The following ZCCHC7 variants were observed in gnomAD, a reference collection of about 807,000 sequenced individuals.
ZCCHC7 encodes the protein zinc finger CCHC domain-containing protein 7.
A neutral mutation model predicts 52.0 loss-of-function variants in ZCCHC7; 35 were observed. The observed-to-expected ratio is 0.67, with a 90% confidence interval of 0.51 to 0.89. The LOEUF (loss-of-function observed/expected upper bound fraction) is 0.89. Among genes scored for constraint, ZCCHC7 ranks in the 40% least tolerant of loss-of-function variants. The pLI is 0.00. For missense variants in ZCCHC7, 574 were observed against 649.1 expected, an observed-to-expected ratio of 0.88 and a Z score of 1.26; for synonymous variants, 217 against 221.5, an observed-to-expected ratio of 0.98 and a Z score of 0.18.
intron 2 of ZCCHC7, among the ~76,000 whole-genome samples, chr9:37,235,577 C>T (rs1284622247): frequency 1.6e-5 from 2 of 121,424 alleles, no homozygotes; most frequent in African/African-American, 6.1e-5. Flanking sequence ...CCTTCCCTTC[C>T]CTTCCCTTCC....
intron 2 of ZCCHC7, among the ~76,000 whole-genome samples, chr9:37,288,758 G>T (rs958793685): frequency 6.6e-6 from 1 of 151,994 alleles, no homozygotes. Flanking sequence ...GTGTTTAGTT[G>T]GTTACGGGGC....
chr9:37,286,147 A>G (rs1264132888), intron 2 of ZCCHC7, among the ~76,000 whole-genome samples: 1 of 152,236 alleles, frequency 6.6e-6, no homozygotes, highest in African/African-American at 2.4e-5. Context: ...AGAAAGTCAG[A>G]ACACTATTAA....
chr9:37,149,932 T>C (rs1157776558), intron 2 of ZCCHC7, among the ~76,000 whole-genome samples: 1 of 152,192 alleles, frequency 6.6e-6, no homozygotes, highest in Non-Finnish European at 1.5e-5. Context: ...CTGAAAGAAA[T>C]CCCAAAGATA....
chr9:37,302,259 G>T, intron 3 of ZCCHC7, 28 bp downstream of exon 3: 1 of 1,556,918 alleles, frequency 6.4e-7, no homozygotes, highest in South Asian at 1.1e-5. Context: ...TTAAAATTCA[G>T]AATAATAATT....
intron 2 of ZCCHC7, among the ~76,000 whole-genome samples, chr9:37,196,859 C>A (rs756343570): frequency 8.8e-4 from 134 of 152,020 alleles, no homozygotes; most frequent in Non-Finnish European, 1.4e-3. Flanking sequence ...GTAGCCTTCT[C>A]AGTAGAAATT....
At chr9:37,129,976 C>T (rs555864158) in intron 2 of ZCCHC7, among the ~76,000 whole-genome samples, 2 of 152,252 alleles carry the variant, frequency 1.3e-5, no homozygotes, top group African/African-American at 2.4e-5. Context: ...CAGTGGCTCA[C>T]GCCTGTAATC....
intron 2 of ZCCHC7, among the ~76,000 whole-genome samples, chr9:37,157,860 G>T (rs1337596144): frequency 1.3e-5 from 2 of 152,202 alleles, no homozygotes; most frequent in African/African-American, 2.4e-5. Context: ...AATTGCTATA[G>T]CTGTTACAGG....
chr9:37,243,638 A>T (rs1227585411), intron 2 of ZCCHC7, among the ~76,000 whole-genome samples: 4 of 152,024 alleles, frequency 2.6e-5, no homozygotes, highest in Admixed American at 2.0e-4. Flanking sequence ...AAAGCCAGGG[A>T]ACAACTATTC....
intron 2 of ZCCHC7, among the ~76,000 whole-genome samples, chr9:37,224,003 T>C (rs1258653937): frequency 1.3e-5 from 2 of 152,120 alleles, no homozygotes; most frequent in Non-Finnish European, 2.9e-5. Context: ...TATCAAATGC[T>C]TGTTTATACC....
chr9:37,193,880 T>G (rs755670817), intron 2 of ZCCHC7, among the ~76,000 whole-genome samples: 1 of 152,194 alleles, frequency 6.6e-6, no homozygotes, highest in Non-Finnish European at 1.5e-5. Context: ...TGAAGTCTCA[T>G]CTCCTCCATG....
At position 37,267,288 on chromosome 9, in the gene ZCCHC7, A is replaced by T. The variant is rs543818991; in HGVS notation, c.611-34900A>T. Among the ~76,000 whole-genome samples, 4 of 152,338 alleles carry T rather than the reference A, an allele frequency of 2.6e-5. No homozygotes were observed. The East Asian group carries it at 7.7e-4, about 29-fold the overall frequency. ...AAAACAGTATACTCAGCCCTAGAAC[A>T]GAATTCTCTGTCGCTTGTATTTAGC... On this transcript the variant is annotated intron_variant, in intron 2 of 8. Coordinates refer to ENST00000336755, the MANE Select transcript of ZCCHC7 (RefSeq NM_032226.3).
chr9:37,155,915 C>T (rs1348901365), intron 2 of ZCCHC7, among the ~76,000 whole-genome samples: 1 of 152,098 alleles, frequency 6.6e-6, no homozygotes, highest in African/African-American at 2.4e-5. Flanking sequence ...CTAGATAAAC[C>T]TACAAAGGTA....
intron 2 of ZCCHC7, among the ~76,000 whole-genome samples, chr9:37,185,340 G>A (rs1171535730): frequency 6.6e-6 from 1 of 152,100 alleles, no homozygotes; most frequent in African/African-American, 2.4e-5. Context: ...ATTTGATCTG[G>A]TGTTAAATGA....
chr9:37,326,872 C>T (rs1564256591), intron 5 of ZCCHC7: 3 of 152,028 alleles, frequency 2.0e-5, no homozygotes, highest in African/African-American at 4.8e-5. Context: ...AATTTCCATT[C>T]GCTTTTAAGA....
intron 2 of ZCCHC7, among the ~76,000 whole-genome samples, chr9:37,218,757 C>T (rs1034692872): frequency 2.0e-5 from 3 of 152,030 alleles, no homozygotes; most frequent in South Asian, 2.1e-4. Context: ...TGCAGTGAGC[C>T]GAGATTGCGC....
intron 2 of ZCCHC7, among the ~76,000 whole-genome samples, chr9:37,233,124 C>G (rs891208814): frequency 6.6e-5 from 10 of 152,108 alleles, no homozygotes; most frequent in African/African-American, 2.4e-4. Flanking sequence ...CCTTAACTTA[C>G]AGTGAGGTTA....
chr9:37,312,187 G>A (rs1829631408), intron 5 of ZCCHC7, among the ~76,000 whole-genome samples: 1 of 152,168 alleles, frequency 6.6e-6, no homozygotes, highest in Non-Finnish European at 1.5e-5. Flanking sequence ...GCCAAGATTT[G>A]AATTTAAAGA....
rs187051057 is a variant in ZCCHC7, at chr9:37,172,742, A to G, written c.610+45800A>G. The stretch of plus-strand genomic sequence containing the variant: ...CTTCAGTGAGCATCGTGGGCATTCC[A>G]GTTGTTACTTGAGTGAGCAATGTGG... On this transcript the variant is annotated intron_variant, in intron 2 of 8. Transcript: ENST00000336755. Among the ~76,000 whole-genome samples, 20 of 151,140 alleles carry G rather than the reference A, an allele frequency of 1.3e-4. No homozygotes were observed. The East Asian group carries it at 3.7e-3, about 28-fold the overall frequency.
intron 2 of ZCCHC7, among the ~76,000 whole-genome samples, chr9:37,290,090 A>C (rs1308802841): frequency 6.6e-6 from 1 of 152,004 alleles, no homozygotes; most frequent in Admixed American, 6.6e-5. Flanking sequence ...CATATTTAAT[A>C]TGTTTGGTTT....
Sources: allele counts gnomAD v4.1 joint callset (sites outside exome capture counted in the v4.1 genomes callset), GRCh38; gene constraint gnomAD v4.1.1; transcripts MANE v1.5; gene names NCBI Gene and HGNC (gene_info 2026-07-23, HGNC 2026-07-21).